SPPL2A: variants seen among roughly 807,000 people sequenced by gnomAD.
SPPL2A encodes signal peptide peptidase-like 2A.
Under a neutral mutation model 63.8 loss-of-function variants are expected in SPPL2A, and 51 were observed. The observed-to-expected ratio is 0.80, with a 90% CI of 0.64 to 1.01. SPPL2A has a LOEUF of 1.01. SPPL2A is among the 50% of genes least tolerant of loss of function. The pLI is 0.00. For missense variants in SPPL2A, 553 were observed against 622.7 expected (o/e 0.89, Z 1.19); for synonymous variants, 188 against 205.8 (o/e 0.91, Z 0.74).
At chr15:50,738,480 T>C (rs542757463) in intron 6 of SPPL2A, among the ~76,000 whole-genome samples, 2 of 144,794 alleles carry the variant, frequency 1.4e-5, no homozygotes, top group African/African-American at 5.2e-5. Context: ...ACCTGGGAGG[T>C]GGAGGTTGCA....
At chr15:50,709,960 G>A (rs575728804) in intron 14 of SPPL2A, among the ~76,000 whole-genome samples, 2 of 152,164 alleles carry the variant, frequency 1.3e-5, no homozygotes, top group South Asian at 4.1e-4. Flanking sequence ...AATCAAGACA[G>A]ATAACATTAA....
intron 14 of SPPL2A, among the ~76,000 whole-genome samples, chr15:50,718,956 C>T (rs1279084286): frequency 2.6e-5 from 4 of 152,068 alleles, no homozygotes; most frequent in African/African-American, 9.7e-5. Context: ...CTAACTGCCT[C>T]ACAAAGTGCC....
In SPPL2A at chr15:50,749,743, C is replaced by G; in HGVS notation, c.70G>C (p.Ala24Pro). The change falls in exon 2 of 15, where the codon GCC becomes CCC. Residue 24 changes from alanine to proline, a missense_variant. Ala to Pro is a conservative substitution (Grantham distance 27). Transcript: ENST00000261854. ...LLWGFLLQLTAAQEAILHASG... is the reference protein window; with the variant it reads ...LLWGFLLQLTPAQEAILHASG... The stretch of plus-strand genomic sequence containing the variant: ...GCATGCAAGATTGCTTCCTGAGCGG[C>G]TGTCTAGGAGACAAACAATAACTTT... 1.2e-6 allele frequency: 2 copies of G among 1,604,778 alleles called. No individual in the cohort carries two copies. Among genetic ancestry groups the G allele is most frequent in the Non-Finnish European group, 1.7e-6 (2 of 1,171,528 alleles).
chr15:50,723,477 G>GT (rs1036807606), intron 12 of SPPL2A, among the ~76,000 whole-genome samples: 39 of 149,894 alleles, frequency 2.6e-4, no homozygotes, highest in African/African-American at 7.2e-4. Context: ...ATTCAGTTGG[G>GT]TTTTTTTTGT....
At chr15:50,720,583 G>A (rs113675795) in intron 13 of SPPL2A, among the ~76,000 whole-genome samples, 54 of 142,088 alleles carry the variant, frequency 3.8e-4, no homozygotes, top group African/African-American at 1.3e-3. Context: ...GCAATGGCAC[G>A]ATCTCAGCTC....
rs1491091833 is a variant in SPPL2A at position 50,703,357 on chromosome 15, T to TATATATATATA, written c.*4442_*4443insTATATATATAT. The TATATATATATA allele has an allele frequency of 1.7e-5, 1 of 58,056 alleles. No homozygotes were observed. The highest frequency in any genetic ancestry group is 7.0e-5 in the African/African-American group (1 of 14,288). The allele number at this position is 58,056 out of a possible 1,614,324, so 3.6% of individuals were successfully genotyped here. ...ATATATATATATATACATATATATA[T>TATATATATATA]TTTTTTTTTTTTTTTTTTTTTTTGA... On this transcript the variant is annotated 3_prime_UTR_variant, in exon 15 of 15. Transcript: ENST00000261854.
At chr15:50,732,361 A>G (rs1202968522) in intron 9 of SPPL2A, among the ~76,000 whole-genome samples, 1 of 152,182 alleles carries the variant, frequency 6.6e-6, no homozygotes, top group Non-Finnish European at 1.5e-5. Flanking sequence ...TAGCTAGCAA[A>G]TCAGTGGTTG....
chr15:50,721,275 C>A (rs1297303413), intron 13 of SPPL2A, among the ~76,000 whole-genome samples: 1 of 152,174 alleles, frequency 6.6e-6, no homozygotes, highest in Non-Finnish European at 1.5e-5. Flanking sequence ...CTCAAGTGAT[C>A]CACTTGCCTT....
In SPPL2A at chr15:50,719,767, T is replaced by C. The variant is rs139327370; in HGVS notation, c.1488+173A>G. Among the ~76,000 whole-genome samples, 923 of 152,098 alleles carry C rather than the reference T, an allele frequency of 6.1e-3. 11 individuals are homozygous for C. The highest frequency in any genetic ancestry group is 0.027 in the Middle Eastern group (8 of 294). On this transcript the variant is annotated intron_variant, in intron 14 of 14. Coordinates refer to ENST00000261854, the MANE Select transcript of SPPL2A (RefSeq NM_032802.4). ...GTCTTGAATCACCAGGCTTTTGGCA[T>C]TAGATTGCAGGGGAGGTCACAAATG... is the stretch of plus-strand genomic sequence containing the variant.
Position 50,725,291 on chromosome 15 carries a change from G to A in SPPL2A, c.1179C>T (p.Ile393=). 6.2e-7 allele frequency: 1 copy of A among 1,605,256 alleles called. No homozygotes were observed. Among genetic ancestry groups the A allele is most frequent in the East Asian group, 2.2e-5 (1 of 44,760 alleles). Residue 393 remains isoleucine (I), a synonymous_variant, in exon 12 of 15, where the codon ATC becomes ATT. Coordinates refer to ENST00000261854, the MANE Select transcript of SPPL2A (RefSeq NM_032802.4). ...LPVVIRVPKL[I]YFSVMSVCLM... ...GGCACACACTCATTACTGAGAAATAGATCAGTTTTGGTACTCTGATGACTA... is the reference window on the plus strand; with the variant it reads ...GGCACACACTCATTACTGAGAAATAAATCAGTTTTGGTACTCTGATGACTA...
chr15:50,716,218 G>A (rs922364503), intron 14 of SPPL2A, among the ~76,000 whole-genome samples: 2 of 151,616 alleles, frequency 1.3e-5, no homozygotes, highest in African/African-American at 4.9e-5. Context: ...TTTTTGAGAC[G>A]GAGTCTTGCT....
At chr15:50,745,371 G>A (rs2062849882) in intron 5 of SPPL2A, among the ~76,000 whole-genome samples, 2 of 151,172 alleles carry the variant, frequency 1.3e-5, no homozygotes, top group Admixed American at 6.6e-5. Flanking sequence ...GGCTGATCTC[G>A]AACTCCTAAC....
intron 11 of SPPL2A, 49 bp downstream of exon 11, chr15:50,726,272 T>A: frequency 1.3e-6 from 2 of 1,572,390 alleles, no homozygotes; most frequent in Non-Finnish European, 1.7e-6. Flanking sequence ...ATTAACCGGA[T>A]ACACATACAT....
rs776734539 is a variant in SPPL2A, at chr15:50,707,893, C to T, written c.1489-19G>A. The T allele has an allele frequency of 1.2e-5, 18 of 1,458,096 alleles. No individual in the cohort carries two copies. The East Asian group carries it at 2.5e-4, about 20-fold the overall frequency. 90.3% of individuals were successfully genotyped at this position (1,458,096 alleles called of 1,614,324 possible). On this transcript the variant is annotated intron_variant, in intron 14 of 14. Transcript: ENST00000261854. ...CCATCATCTAGGCATAAATAAAAGA[C>T]GTTAGGAAATGCAAAATTTCAACTT... is the stretch of plus-strand genomic sequence containing the variant.
At chr15:50,761,997 G>A (rs1008711182) in intron 1 of SPPL2A, among the ~76,000 whole-genome samples, 1 of 151,864 alleles carries the variant, frequency 6.6e-6, no homozygotes, top group Non-Finnish European at 1.5e-5. Context: ...TCCCATGACT[G>A]CGTCCACACT....
At chr15:50,726,780 A>T (rs1043728180) in intron 10 of SPPL2A, among the ~76,000 whole-genome samples, 1 of 152,220 alleles carries the variant, frequency 6.6e-6, no homozygotes, top group Non-Finnish European at 1.5e-5. Flanking sequence ...AGTGAAGAAG[A>T]TCATACTAAA....
chr15:50,756,711 C>T lies in SPPL2A; in HGVS notation c.67-6965G>A, dbSNP rs566096390. Reference sequence around the variant, plus strand: ...GATGAGCCTGGGCAACATAGCCAGACCCCATATCAATTGACAAAAATCATT... The same window carrying T: ...GATGAGCCTGGGCAACATAGCCAGATCCCATATCAATTGACAAAAATCATT... On this transcript the variant is annotated intron_variant, in intron 1 of 14. Coordinates refer to ENST00000261854, the MANE Select transcript of SPPL2A (RefSeq NM_032802.4). Among the ~76,000 whole-genome samples, 11 of 152,144 alleles carry T rather than the reference C, an allele frequency of 7.2e-5. No individual in the cohort carries two copies. The East Asian group carries it at 2.1e-3, about 29-fold the overall frequency.
intron 10 of SPPL2A, among the ~76,000 whole-genome samples, chr15:50,727,751 G>A (rs1415054391): frequency 6.6e-6 from 1 of 152,158 alleles, no homozygotes; most frequent in East Asian, 1.9e-4. Flanking sequence ...CAAATTTACA[G>A]TGAAAACCAG....
At position 50,703,429 on chromosome 15, in the gene SPPL2A, C is replaced by G. The variant is rs1319348709; in HGVS notation, c.*4371G>C. 2 of 127,112 alleles carry G rather than the reference C, an allele frequency of 1.6e-5. No individual in the cohort carries two copies. The highest frequency in any genetic ancestry group is 3.1e-5 in the Non-Finnish European group (2 of 64,250). 7.9% of individuals were successfully genotyped at this position (127,112 alleles called of 1,614,324 possible). On this transcript the variant is annotated 3_prime_UTR_variant, in exon 15 of 15. Coordinates refer to ENST00000261854, the MANE Select transcript of SPPL2A (RefSeq NM_032802.4). ...CCAGGCTGGAGTGCAGTGGTGTGAT[C>G]TCGACTCACTGCAACCTCCACCTCC... is the stretch of plus-strand genomic sequence containing the variant.
Sources: allele counts gnomAD v4.1 joint callset (sites outside exome capture counted in the v4.1 genomes callset), GRCh38; gene constraint gnomAD v4.1.1; transcripts MANE v1.5; gene names NCBI Gene and HGNC (gene_info 2026-07-23, HGNC 2026-07-21).